The following ARHGAP24 variants were observed in gnomAD, a reference collection of about 807,000 sequenced individuals.
ARHGAP24 encodes rho GTPase-activating protein 24.
Under a neutral mutation model 76.4 loss-of-function variants are expected in ARHGAP24, and 50 were observed. That is an observed-to-expected ratio of 0.65 (90% CI 0.52 to 0.83). ARHGAP24 has a LOEUF of 0.83. Among genes scored for constraint, ARHGAP24 ranks in the 40% least tolerant of loss-of-function variants. The pLI is 0.00. For synonymous variants in ARHGAP24, 345 were observed against 323.3 expected (o/e 1.07, Z -0.72); for missense variants, 930 against 914.2 (o/e 1.02, Z -0.22).
At chr4:85,652,195 G>A (rs949419917) in intron 2 of ARHGAP24, among the ~76,000 whole-genome samples, 3 of 152,046 alleles carry the variant, frequency 2.0e-5, no homozygotes, top group African/African-American at 7.2e-5. Flanking sequence ...TAAGATAATG[G>A]GTGATCAGAT....
intron 1 of ARHGAP24, among the ~76,000 whole-genome samples, chr4:85,515,536 G>T (rs1299741269): frequency 1.3e-5 from 2 of 151,350 alleles, no homozygotes; most frequent in African/African-American, 4.9e-5. Context: ...CAAAAAGTAG[G>T]ATGTTATACA....
chr4:85,867,671 T>C (rs1732270667), intron 3 of ARHGAP24, among the ~76,000 whole-genome samples: 1 of 151,744 alleles, frequency 6.6e-6, no homozygotes. Flanking sequence ...CCTTCTTTTT[T>C]GGAATCCTAT....
intron 3 of ARHGAP24, among the ~76,000 whole-genome samples, chr4:85,898,803 G>A (rs1734335956): frequency 6.6e-6 from 1 of 152,026 alleles, no homozygotes; most frequent in African/African-American, 2.4e-5. Context: ...GGAGTGCAAT[G>A]GCACTGTCTC....
chr4:85,511,229 G>A (rs954137899), intron 1 of ARHGAP24, among the ~76,000 whole-genome samples: 3 of 152,074 alleles, frequency 2.0e-5, no homozygotes, highest in African/African-American at 7.2e-5. Context: ...GTCTTCTGGA[G>A]ATCTTTATGT....
At chr4:85,522,232 C>G (rs576506734) in intron 1 of ARHGAP24, among the ~76,000 whole-genome samples, 1 of 152,154 alleles carries the variant, frequency 6.6e-6, no homozygotes, top group Admixed American at 6.5e-5. Flanking sequence ...TTATTCAAGA[C>G]CATTGTGAAG....
At chr4:85,528,398 A>G (rs1228356354) in intron 1 of ARHGAP24, among the ~76,000 whole-genome samples, 1 of 152,092 alleles carries the variant, frequency 6.6e-6, no homozygotes, top group Non-Finnish European at 1.5e-5. Context: ...TTTTTTAAGG[A>G]GAAAAATTAT....
intron 3 of ARHGAP24, among the ~76,000 whole-genome samples, chr4:85,859,983 A>G (rs764148690): frequency 1.3e-5 from 2 of 152,130 alleles, no homozygotes; most frequent in Non-Finnish European, 2.9e-5. Flanking sequence ...AAGCTTTCTG[A>G]TAAGGATTGT....
chr4:85,935,537 T>C (rs1209400316), intron 4 of ARHGAP24, among the ~76,000 whole-genome samples: 2 of 152,216 alleles, frequency 1.3e-5, no homozygotes, highest in Admixed American at 6.5e-5. Context: ...GAAAAAATTA[T>C]GTTTGAATTC....
chr4:85,989,218 A>T (rs1442588543), intron 8 of ARHGAP24, among the ~76,000 whole-genome samples: 2 of 151,634 alleles, frequency 1.3e-5, no homozygotes, highest in East Asian at 3.9e-4. Context: ...GACCTACCAA[A>T]GGTCTTACAG....
At chr4:85,829,909 CTG>C (rs1729903645) in intron 3 of ARHGAP24, among the ~76,000 whole-genome samples, 1 of 152,118 alleles carries the variant, frequency 6.6e-6, no homozygotes, top group Non-Finnish European at 1.5e-5. Context: ...TTAATAGTGT[CTG>C]TGTTTGTTCT....
chr4:85,917,152 A>G (rs1490361203), intron 3 of ARHGAP24, among the ~76,000 whole-genome samples: 1 of 152,070 alleles, frequency 6.6e-6, no homozygotes, highest in Non-Finnish European at 1.5e-5. Flanking sequence ...TATGAGTGAG[A>G]ACATGCAGTG....
At chr4:85,565,917 A>C (rs1480225815) in intron 1 of ARHGAP24, among the ~76,000 whole-genome samples, 1 of 152,182 alleles carries the variant, frequency 6.6e-6, no homozygotes, top group African/African-American at 2.4e-5. Context: ...CTCTGATTGC[A>C]CCATGTCATA....
At chr4:85,897,646 C>T (rs1056323309) in intron 3 of ARHGAP24, among the ~76,000 whole-genome samples, 2 of 152,232 alleles carry the variant, frequency 1.3e-5, no homozygotes, top group African/African-American at 2.4e-5. Context: ...TCTGTCTCCC[C>T]ATGGCTCTCA....
At chr4:85,585,412 C>T (rs139026080) in intron 2 of ARHGAP24, among the ~76,000 whole-genome samples, 16 of 152,274 alleles carry the variant, frequency 1.1e-4, no homozygotes, top group African/African-American at 3.1e-4. Flanking sequence ...CTGCCTCTGG[C>T]ACTCACCACT....
chr4:85,866,335 GA>G (rs1261067658), intron 3 of ARHGAP24, among the ~76,000 whole-genome samples: 6 of 152,048 alleles, frequency 3.9e-5, no homozygotes, highest in Non-Finnish European at 7.4e-5. Context: ...TGTGTCTGGA[GA>G]CTTCTGACTT....
chr4:85,965,455 C>A (rs1175146263), intron 5 of ARHGAP24, among the ~76,000 whole-genome samples: 1 of 152,140 alleles, frequency 6.6e-6, no homozygotes, highest in Non-Finnish European at 1.5e-5. Context: ...TCCCCACCAA[C>A]GTTCTTTCCA....
intron 2 of ARHGAP24, among the ~76,000 whole-genome samples, chr4:85,666,171 G>A (rs1269040681): frequency 6.6e-6 from 1 of 152,098 alleles, no homozygotes; most frequent in African/African-American, 2.4e-5. Flanking sequence ...TGTAGATTTG[G>A]TCTTTTCACA....
intron 2 of ARHGAP24, among the ~76,000 whole-genome samples, chr4:85,632,764 T>G (rs1237643461): frequency 6.6e-6 from 1 of 152,012 alleles, no homozygotes; most frequent in African/African-American, 2.4e-5. Flanking sequence ...AATTACCTGC[T>G]GCTATATGTT....
At chr4:85,933,752 G>A (rs1242973186) in intron 4 of ARHGAP24, among the ~76,000 whole-genome samples, 1 of 152,124 alleles carries the variant, frequency 6.6e-6, no homozygotes, top group Non-Finnish European at 1.5e-5. Context: ...ATAACACTGT[G>A]GTCTGAGCAC....
Sources: allele counts gnomAD v4.1 joint callset (sites outside exome capture counted in the v4.1 genomes callset), GRCh38; gene constraint gnomAD v4.1.1; transcripts MANE v1.5; gene names NCBI Gene and HGNC (gene_info 2026-07-23, HGNC 2026-07-21).